GALNT2: variants seen among roughly 807,000 people sequenced by gnomAD.
GALNT2 encodes the protein polypeptide N-acetylgalactosaminyltransferase 2, also known as UDP-GalNAc:polypeptide N-acetylgalactosaminyltransferase 2.
A neutral mutation model predicts 81.4 loss-of-function variants in GALNT2; 31 were observed. The observed-to-expected ratio is 0.38, with a 90% CI of 0.29 to 0.51. The LOEUF is 0.51. GALNT2 is among the 20% of genes least tolerant of loss of function. GALNT2 has a pLI of 0.87. For synonymous variants in GALNT2, 303 were observed against 287.4 expected (o/e 1.05, Z -0.55); for missense variants, 629 against 765.7 (o/e 0.82, Z 2.11).
intron 1 of GALNT2, among the ~76,000 whole-genome samples, chr1:230,139,617 G>C (rs937603421): frequency 2.0e-5 from 3 of 152,216 alleles, no homozygotes. Flanking sequence ...AGCTAGAATT[G>C]TAAGAAAATG....
chr1:230,058,171 T>A (rs1429600386), intron 1 of GALNT2: 1 of 453,318 alleles, frequency 2.2e-6, no homozygotes, highest in Non-Finnish European at 4.4e-6. Context: ...CTAGCACTCC[T>A]GACACTGGCC....
chr1:230,236,483 AGTG>A, intron 5 of GALNT2, 63 bp downstream of exon 5: 2 of 1,549,192 alleles, frequency 1.3e-6, no homozygotes, highest in East Asian at 4.5e-5. Context: ...GTCTTCCTGT[AGTG>A]GGGGTGCTAA....
rs114556097 is a variant in GALNT2, at chr1:230,198,204, C to T, written c.221-4933C>T. On this transcript the variant is annotated intron_variant, in intron 2 of 15. Transcript: ENST00000366672. ...GCCCTTAACAGGTGCTTGTGGACTG[C>T]GCATGTGGGATGCTGAGGTGCTGCG... Among the ~76,000 whole-genome samples, 869 of 152,302 alleles carry T rather than the reference C, an allele frequency of 5.7e-3. 10 individuals carry two copies. The highest frequency in any genetic ancestry group is 0.017 in the African/African-American group (723 of 41,570).
chr1:230,085,439 T>C (rs1029360703), intron 1 of GALNT2, among the ~76,000 whole-genome samples: 2 of 152,216 alleles, frequency 1.3e-5, no homozygotes, highest in African/African-American at 2.4e-5. Context: ...GTGGAAACTC[T>C]ATTTATAAAC....
chr1:230,249,325 G>A lies in GALNT2; in HGVS notation c.905+54G>A, dbSNP rs1046804409. On this transcript the variant is annotated intron_variant, in intron 9 of 15. Coordinates refer to ENST00000366672, the MANE Select transcript of GALNT2 (RefSeq NM_004481.5). Reference sequence around the variant, plus strand: ...CTCCCAGATGAGACCCCAGGTTCCAGCTTCTTTGCTGGGCCCGCACCGCCT... The same window carrying A: ...CTCCCAGATGAGACCCCAGGTTCCAACTTCTTTGCTGGGCCCGCACCGCCT... 2.6e-6 allele frequency: 4 copies of A among 1,536,990 alleles called. No individual in the cohort carries two copies. The African/African-American group carries it at 5.5e-5, about 21-fold the overall frequency.
chr1:230,126,778 G>A (rs1303608685), intron 1 of GALNT2, among the ~76,000 whole-genome samples: 3 of 152,304 alleles, frequency 2.0e-5, no homozygotes, highest in East Asian at 3.9e-4. Context: ...GAGTGTTCCA[G>A]CCCGTATAAC....
chr1:230,197,563 T>C (rs910040440), intron 2 of GALNT2, among the ~76,000 whole-genome samples: 1 of 152,166 alleles, frequency 6.6e-6, no homozygotes, highest in Admixed American at 6.5e-5. Flanking sequence ...ATTCTGTTTG[T>C]GTTCGGTCAT....
At chr1:230,263,218 C>T in intron 13 of GALNT2, 1 of 560,272 alleles carries the variant, frequency 1.8e-6, no homozygotes, top group Non-Finnish European at 3.2e-6. Flanking sequence ...AGCTGCCCTC[C>T]CATGCTTCGG....
chr1:230,158,539 C>G (rs749276116), intron 1 of GALNT2, among the ~76,000 whole-genome samples: 1 of 152,258 alleles, frequency 6.6e-6, no homozygotes, highest in Non-Finnish European at 1.5e-5. Context: ...GGCTCCCTCT[C>G]TTGACCTGAG....
At chr1:230,181,661 A>G (rs1006890650) in intron 2 of GALNT2, among the ~76,000 whole-genome samples, 3 of 151,742 alleles carry the variant, frequency 2.0e-5, no homozygotes, top group Non-Finnish European at 4.4e-5. Context: ...AAGCGCTGGG[A>G]TTACAGGCGT....
At chr1:230,118,915 C>T (rs1660931548) in intron 1 of GALNT2, among the ~76,000 whole-genome samples, 1 of 152,172 alleles carries the variant, frequency 6.6e-6, no homozygotes, top group South Asian at 2.1e-4. Flanking sequence ...TCCGATCAGC[C>T]TATGGTCAGC....
chr1:230,185,299 T>TGCGCGCGC (rs200753059), intron 2 of GALNT2, among the ~76,000 whole-genome samples: 2 of 116,350 alleles, frequency 1.7e-5, no homozygotes, highest in African/African-American at 3.2e-5. Context: ...TGTGTGTGTG[T>TGCGCGCGC]GTGCGCGCGT....
intron 14 of GALNT2, among the ~76,000 whole-genome samples, chr1:230,266,455 C>T (rs899676944): frequency 6.6e-6 from 1 of 152,152 alleles, no homozygotes; most frequent in Non-Finnish European, 1.5e-5. Flanking sequence ...AGGTTAACTC[C>T]GTGTGTGTAT....
intron 1 of GALNT2, among the ~76,000 whole-genome samples, chr1:230,069,631 C>G (rs931928941): frequency 1.3e-5 from 2 of 151,936 alleles, no homozygotes; most frequent in Non-Finnish European, 2.9e-5. Context: ...ATCGTGTAGT[C>G]TTCTTTCTTC....
At chr1:230,107,538 C>CCACT (rs1368529453) in intron 1 of GALNT2, among the ~76,000 whole-genome samples, 1 of 151,302 alleles carries the variant, frequency 6.6e-6, no homozygotes, top group Non-Finnish European at 1.5e-5. Flanking sequence ...TATGATTGTG[C>CCACT]CACTGTACTC....
chr1:230,096,500 CT>C (rs768176020), intron 1 of GALNT2, among the ~76,000 whole-genome samples: 2 of 152,156 alleles, frequency 1.3e-5, no homozygotes, highest in African/African-American at 2.4e-5. Flanking sequence ...CCCCTTTCCC[CT>C]CTCTCCCTTC....
At position 230,279,569 on chromosome 1, in the gene GALNT2, A is replaced by G; in HGVS notation, c.*111A>G. 7.6e-7 allele frequency: 1 copy of G among 1,321,794 alleles called. No individual in the cohort carries two copies. 81.9% of individuals were successfully genotyped at this position (1,321,794 alleles called of 1,614,324 possible). A position where few individuals can be genotyped will look rare whatever the true frequency, so the allele number is the denominator to read the frequency against. ...TTCCGCGAAACTAATATACCTCAGT[A>G]TTCCATCATGGTCTGAAAGTCAAAC... On this transcript the variant is annotated 3_prime_UTR_variant, in exon 16 of 16. Transcript: ENST00000366672. The surrounding 1 kb of genome is among the most constrained non-coding windows in gnomAD (Gnocchi z 4.6).
intron 1 of GALNT2, among the ~76,000 whole-genome samples, chr1:230,162,100 T>C (rs1662454096): frequency 6.6e-6 from 1 of 152,218 alleles, no homozygotes. Context: ...TATAGTACTG[T>C]TGAACAAGCT....
intron 3 of GALNT2, among the ~76,000 whole-genome samples, chr1:230,224,827 G>C (rs1312104107): frequency 6.6e-6 from 1 of 152,254 alleles, no homozygotes; most frequent in Non-Finnish European, 1.5e-5. Flanking sequence ...CGATAGGCTT[G>C]AGTTTCCTGT....
Sources: gnomAD v4.1 joint callset for allele counts (sites outside exome capture counted in the v4.1 genomes callset) on GRCh38, gnomAD v4.1.1 for gene constraint, Gnocchi (gnomAD v3.1) non-coding constraint, MANE v1.5 for transcripts, NCBI Gene and HGNC (gene_info 2026-07-23, HGNC 2026-07-21) for gene names.